Variants in TMEM181 observed in about 807,000 individuals in gnomAD.
TMEM181 encodes G protein-coupled receptor 178.
A neutral mutation model predicts 71.9 loss-of-function variants in TMEM181; 39 were observed. The observed-to-expected ratio is 0.54, with a 90% CI of 0.42 to 0.71. The LOEUF (loss-of-function observed/expected upper bound fraction) is 0.71, where lower values mean the gene tolerates loss of function less well. Among genes scored for constraint, TMEM181 ranks in the 30% least tolerant of loss-of-function variants. The probability of loss-of-function intolerance (pLI) is 0.00; values close to 1 mark genes in which losing one functional copy is unlikely to be tolerated. For synonymous variants in TMEM181, 245 were observed against 228.8 expected, an observed-to-expected ratio of 1.07 and a Z score of -0.64; for missense variants, 595 against 583.0, an observed-to-expected ratio of 1.02 and a Z score of -0.21.
intron 5 of TMEM181, among the ~76,000 whole-genome samples, chr6:158,586,770 G>C (rs972558846): frequency 6.6e-6 from 1 of 152,198 alleles, no homozygotes; most frequent in South Asian, 2.1e-4. Context: ...GGATGAGTCA[G>C]CTTCCAAAGT....
chr6:158,625,924 C>T (rs1289161574), intron 13 of TMEM181, among the ~76,000 whole-genome samples, 170 bp downstream of exon 13: 2 of 152,204 alleles, frequency 1.3e-5, no homozygotes, highest in Admixed American at 6.5e-5. Flanking sequence ...AGCCGTCAGC[C>T]TGGAGAGCAT....
In TMEM181 at chr6:158,584,027, A is replaced by C. The variant is rs1423836370; in HGVS notation, c.242A>C (p.Glu81Ala). The C allele has an allele frequency of 3.1e-6, 5 of 1,611,272 alleles. No individual in the cohort carries two copies. Among genetic ancestry groups the C allele is most frequent in the Non-Finnish European group, 3.4e-6 (4 of 1,178,516 alleles). Reference protein sequence around the residue: ...NQQLWLTCVVELDQSKETSIK... With the variant: ...NQQLWLTCVVALDQSKETSIK... ...CAACTATGGCTGACATGTGTTGTTG[A>C]GTTGGATCAATCAAAAGGTATGGAG... The change falls in exon 4 of 17, where the codon GAG becomes GCG. Residue 81 changes from glutamate to alanine, a missense_variant. By Grantham distance (107) the Glu-to-Ala change is moderately radical. Coordinates refer to ENST00000684151, the MANE Select transcript of TMEM181 (RefSeq NM_001376852.1).
intron 1 of TMEM181, among the ~76,000 whole-genome samples, chr6:158,565,164 G>A (rs145197514): frequency 2.0e-5 from 3 of 152,188 alleles, no homozygotes; most frequent in Non-Finnish European, 4.4e-5. Flanking sequence ...GTGTTCTCAC[G>A]ACCTCTGCTT....
At chr6:158,540,998 G>C (rs146645076) in intron 1 of TMEM181, among the ~76,000 whole-genome samples, 256 of 151,422 alleles carry the variant, frequency 1.7e-3, no homozygotes, top group African/African-American at 5.8e-3. Flanking sequence ...TTGAACTTCT[G>C]AGCTCAAGGA....
intron 13 of TMEM181, among the ~76,000 whole-genome samples, chr6:158,627,614 C>T (rs1273094194): frequency 1.3e-5 from 1 of 74,834 alleles, no homozygotes; most frequent in African/African-American, 4.4e-5. Flanking sequence ...AACAGGGCAC[C>T]GGCAGCCTGG....
intron 6 of TMEM181, among the ~76,000 whole-genome samples, chr6:158,590,754 G>A (rs181827100): frequency 1.1e-4 from 16 of 152,326 alleles, no homozygotes; most frequent in Admixed American, 6.5e-4. Context: ...GAGCCACCGC[G>A]CCCGGCCCAT....
At chr6:158,542,144 C>T (rs1049890573) in intron 1 of TMEM181, among the ~76,000 whole-genome samples, 7 of 151,844 alleles carry the variant, frequency 4.6e-5, no homozygotes, top group Non-Finnish European at 7.4e-5. Flanking sequence ...TGACCTCAAG[C>T]GATCCGCCCA....
At position 158,620,872 on chromosome 6, in the gene TMEM181, A is replaced by C. The variant is rs977440610; in HGVS notation, c.897-2678A>C. 6.6e-6 allele frequency among the ~76,000 whole-genome samples: 1 copy of C among 152,200 alleles called. No individual in the cohort carries two copies. Among genetic ancestry groups the C allele is most frequent in the Non-Finnish European group, 1.5e-5 (1 of 68,032 alleles). On this transcript the variant is annotated intron_variant, in intron 10 of 16. Transcript: ENST00000684151. This position sits in a 1 kb window ranked among gnomAD's most constrained non-coding sequence, Gnocchi z 4.5. ...AAAGAAACACGAAAAGCAGCTCAAC[A>C]GTGAAAAATAGGTTTATTTTGGACA...
upstream of TMEM181, among the ~76,000 whole-genome samples, chr6:158,555,680 A>G (rs1167027096): frequency 6.6e-6 from 1 of 152,254 alleles, no homozygotes; most frequent in African/African-American, 2.4e-5. Flanking sequence ...ATATACAGCT[A>G]GCTGGAGTCC....
intron 2 of TMEM181, among the ~76,000 whole-genome samples, chr6:158,576,691 A>C (rs891345161): frequency 7.9e-5 from 12 of 152,304 alleles, no homozygotes; most frequent in Admixed American, 6.5e-4. Flanking sequence ...AAAAATGAAT[A>C]ACAGCAAACT....
Position 158,538,362 on chromosome 6 carries a change from C to G in TMEM181, c.131+1497C>G, listed in dbSNP as rs575027925. Among the ~76,000 whole-genome samples the G allele has an allele frequency of 3.3e-5, 5 of 151,968 alleles. No individual in the cohort carries two copies. In the East Asian group the frequency reaches 9.6e-4, roughly 29 times the overall value. On this transcript the variant is annotated intron_variant, in intron 1 of 16. Transcript: ENST00000367090. Reference sequence around the variant, plus strand: ...TAGAGATGGAATTTCCCTGTCTTGCCCAGGCTGGTCTCAAACTCCTGGGCT... The same window carrying G: ...TAGAGATGGAATTTCCCTGTCTTGCGCAGGCTGGTCTCAAACTCCTGGGCT...
At chr6:158,542,096 G>A (rs1781375438) in intron 1 of TMEM181, among the ~76,000 whole-genome samples, 1 of 151,706 alleles carries the variant, frequency 6.6e-6, no homozygotes, top group African/African-American at 2.4e-5. Flanking sequence ...TAGTAGAGAT[G>A]GGGCTTCATC....
In TMEM181 at chr6:158,633,747, G is replaced by A. The variant is rs1786787723; in HGVS notation, c.*1859G>A. 6.6e-6 allele frequency: 1 copy of A among 152,086 alleles called. No homozygotes were observed. The highest frequency in any genetic ancestry group is 1.5e-5 in the Non-Finnish European group (1 of 68,012). The allele number at this position is 152,086 out of a possible 1,614,324, so 9.4% of individuals were successfully genotyped here. ...AAACCTTGTAAATATGAATGTTTAA[G>A]ACAACTTACTGCAAGGGTAATTCAA... On this transcript the variant is annotated 3_prime_UTR_variant, in exon 17 of 17. Transcript: ENST00000684151.
intron 15 of TMEM181, 29 bp downstream of exon 15, chr6:158,629,848 G>A (rs769251074): frequency 1.9e-6 from 3 of 1,582,252 alleles, no homozygotes; most frequent in East Asian, 2.2e-5. Context: ...TGGACTGCTG[G>A]CCAGTTAGCG....
intron 1 of TMEM181, among the ~76,000 whole-genome samples, chr6:158,545,582 TTC>T (rs954994307): frequency 2.0e-5 from 3 of 151,882 alleles, no homozygotes; most frequent in Admixed American, 2.0e-4. Flanking sequence ...CTTCTCTGCC[TTC>T]TGGGGCATGA....
intron 8 of TMEM181, 125 bp from the exon 9 acceptor site, chr6:158,608,208 G>A: frequency 4.4e-6 from 3 of 683,336 alleles, no homozygotes; most frequent in Non-Finnish European, 4.0e-6. Context: ...TGTCTGCCAG[G>A]TGCTGACCCC....
At chr6:158,585,127 T>A (rs1041539012) in intron 4 of TMEM181, among the ~76,000 whole-genome samples, 177 bp from the exon 5 acceptor site, 2 of 152,228 alleles carry the variant, frequency 1.3e-5, no homozygotes, top group African/African-American at 4.8e-5. Context: ...TGGAATCTAA[T>A]GGAAAGGCTT....
Position 158,624,543 on chromosome 6 carries a change from G to T in TMEM181, c.955-561G>T, listed in dbSNP as rs1419392021. ...CCACGGGCCTGCCCTCCCCATCACA[G>T]CTCCATCTTCAGAAAAGGGCTTTGG... On this transcript the variant is annotated intron_variant, in intron 11 of 16. Transcript: ENST00000684151. 2.0e-5 allele frequency among the ~76,000 whole-genome samples: 3 copies of T among 152,242 alleles called. No individual in the cohort carries two copies. The South Asian group carries it at 6.2e-4, about 31-fold the overall frequency.
At chr6:158,566,674 GGGTGAAGGAGATGAT>G (rs1782520497) in intron 1 of TMEM181, among the ~76,000 whole-genome samples, 3 of 150,112 alleles carry the variant, frequency 2.0e-5, no homozygotes, top group African/African-American at 4.9e-5. Context: ...GGAGGTGATG[GGGTGAAGGAGATGAT>G]GGTGAAGAGT....
Sources: gnomAD v4.1 joint callset for allele counts (sites outside exome capture counted in the v4.1 genomes callset) on GRCh38, gnomAD v4.1.1 for gene constraint, Gnocchi (gnomAD v3.1) non-coding constraint, MANE v1.5 for transcripts, NCBI Gene and HGNC (gene_info 2026-07-23, HGNC 2026-07-21) for gene names.